The following CRYBG1 variants were observed in gnomAD, a reference collection of about 807,000 sequenced individuals.
CRYBG1 encodes the protein beta/gamma crystallin domain-containing protein 1.
CRYBG1 carries 139 observed loss-of-function variants against 189.2 expected under a neutral mutation model. The observed-to-expected ratio is 0.73, with a 90% CI of 0.64 to 0.85. CRYBG1 has a LOEUF of 0.85. CRYBG1 is among the 40% of genes least tolerant of loss of function. The pLI is 0.00. For missense variants in CRYBG1, 2,611 were observed against 2,675.8 expected, an observed-to-expected ratio of 0.98 and a Z score of 0.53; for synonymous variants, 1,023 against 1,017.1, an observed-to-expected ratio of 1.01 and a Z score of -0.11.
chr6:106,564,135 CT>C (rs961135633), intron 21 of CRYBG1, among the ~76,000 whole-genome samples: 96 of 152,266 alleles, frequency 6.3e-4, no homozygotes, highest in African/African-American at 2.1e-3. Flanking sequence ...ACATTATCCC[CT>C]CTCCCTCTTT....
intron 2 of CRYBG1, among the ~76,000 whole-genome samples, chr6:106,470,017 G>A (rs1417627876): frequency 1.3e-5 from 2 of 152,186 alleles, no homozygotes; most frequent in Non-Finnish European, 2.9e-5. Flanking sequence ...CATTCAGGCT[G>A]CCAGGCCAAG....
At chr6:106,436,482 G>A (rs896942055) in intron 1 of CRYBG1, among the ~76,000 whole-genome samples, 3 of 152,136 alleles carry the variant, frequency 2.0e-5, no homozygotes, top group African/African-American at 7.2e-5. Flanking sequence ...TTTTAGTAGA[G>A]ACGGGGTTTC....
intron 1 of CRYBG1, among the ~76,000 whole-genome samples, chr6:106,391,928 C>CGTGTGTGTGT (rs57024907): frequency 1.1e-4 from 15 of 131,404 alleles, no homozygotes; most frequent in African/African-American, 4.4e-4. Context: ...TTGTTTAAAA[C>CGTGTGTGTGT]GTGTGTGTGT....
chr6:106,484,350 G>A (rs1454720677), intron 2 of CRYBG1, among the ~76,000 whole-genome samples: 2 of 152,156 alleles, frequency 1.3e-5, no homozygotes, highest in Non-Finnish European at 2.9e-5. Context: ...CTAGAGTGCA[G>A]TAGCGTGATC....
Position 106,570,359 on chromosome 6 carries a change from T to G in CRYBG1, c.*1793T>G, listed in dbSNP as rs6908635. On this transcript the variant is annotated 3_prime_UTR_variant, in exon 22 of 22. Transcript: ENST00000633556. ...TATATAGCTCTGATTTTAGGCCTTTTGTGCATACCATTACAATATGGTGGG... is the reference window on the plus strand; with the variant it reads ...TATATAGCTCTGATTTTAGGCCTTTGGTGCATACCATTACAATATGGTGGG... 1.7e-3 allele frequency: 255 copies of G among 152,354 alleles called. 1 individual carries two copies. Among genetic ancestry groups the G allele is most frequent in the African/African-American group, 5.9e-3 (244 of 41,570 alleles). The allele number at this position is 152,354 out of a possible 1,614,324, so 9.4% of individuals were successfully genotyped here.
chr6:106,517,586 A>G (rs1350837505), intron 3 of CRYBG1, among the ~76,000 whole-genome samples: 1 of 151,926 alleles, frequency 6.6e-6, no homozygotes, highest in Non-Finnish European at 1.5e-5. Context: ...TAAAACAGAT[A>G]CTAGGAGTGA....
intron 1 of CRYBG1, among the ~76,000 whole-genome samples, chr6:106,408,010 A>C (rs1171840599): frequency 2.0e-5 from 3 of 152,310 alleles, no homozygotes; most frequent in African/African-American, 4.8e-5. Context: ...AGAAGACAAG[A>C]AATAACTAAG....
chr6:106,380,319 C>A (rs75891873), intron 1 of CRYBG1, among the ~76,000 whole-genome samples: 4,217 of 152,212 alleles, frequency 0.028, 189 homozygotes, highest in African/African-American at 0.097. Context: ...GAAAAGGTTA[C>A]TATTTGAATT....
At chr6:106,433,341 G>T (rs1261348828) in intron 1 of CRYBG1, among the ~76,000 whole-genome samples, 2 of 152,168 alleles carry the variant, frequency 1.3e-5, no homozygotes, top group Non-Finnish European at 2.9e-5. Context: ...AACTGGAGGA[G>T]AAAGGAGACT....
At chr6:106,400,851 T>C (rs1770707731) in intron 1 of CRYBG1, among the ~76,000 whole-genome samples, 1 of 152,146 alleles carries the variant, frequency 6.6e-6, no homozygotes, top group African/African-American at 2.4e-5. Context: ...AAGACACATG[T>C]GAACTAAGTC....
chr6:106,415,589 G>C (rs114178801), intron 1 of CRYBG1, among the ~76,000 whole-genome samples: 41 of 151,956 alleles, frequency 2.7e-4, no homozygotes, highest in Non-Finnish European at 5.6e-4. Flanking sequence ...AGCCAGGCAT[G>C]GTGGTATATA....
chr6:106,432,056 G>A (rs1169493548), intron 1 of CRYBG1, among the ~76,000 whole-genome samples: 2 of 151,938 alleles, frequency 1.3e-5, no homozygotes, highest in African/African-American at 4.8e-5. Flanking sequence ...TTAATGACCA[G>A]AATATTAATT....
intron 1 of CRYBG1, among the ~76,000 whole-genome samples, chr6:106,449,771 G>T (rs1282847788): frequency 6.6e-6 from 1 of 152,060 alleles, no homozygotes; most frequent in African/African-American, 2.4e-5. Flanking sequence ...AGGTAGAAAT[G>T]TATTTTTATA....
At chr6:106,423,289 C>A (rs1034822954) in intron 1 of CRYBG1, among the ~76,000 whole-genome samples, 13 of 114,774 alleles carry the variant, frequency 1.1e-4, no homozygotes, top group African/African-American at 2.1e-4. Context: ...ATCAATAAAA[C>A]CTTTCATAAC....
At chr6:106,546,116 G>A (rs1676026) in intron 13 of CRYBG1, among the ~76,000 whole-genome samples, 122,091 of 152,154 alleles carry the variant, frequency 0.8, 49,607 homozygotes, top group South Asian at 0.92. Flanking sequence ...TCTGGGCTAC[G>A]TGTCCATCTC....
rs1281465719 is a variant in CRYBG1 at position 106,519,131 on chromosome 6, C to G, written c.1923C>G (p.Leu641=). 6.2e-7 allele frequency: 1 copy of G among 1,607,708 alleles called. No individual in the cohort carries two copies. Among genetic ancestry groups the G allele is most frequent in the Non-Finnish European group, 8.5e-7 (1 of 1,176,836 alleles). Residue 641 remains leucine (L), a splice_region_variant and synonymous_variant, in exon 4 of 22, where the codon CTC becomes CTG. Coordinates refer to ENST00000633556, the MANE Select transcript of CRYBG1 (RefSeq NM_001371242.2). Reference sequence around the variant, plus strand: ...TTATCTTCCTGCTTTTTCCTCACAGCCCTGCCAAGCCCAAACATGTGGAAC... The same window carrying G: ...TTATCTTCCTGCTTTTTCCTCACAGGCCTGCCAAGCCCAAACATGTGGAAC... ...GRSTVTTKVT[L]PAKPKHVELN... is the part of the protein sequence containing the mutation.
chr6:106,391,985 T>A (rs1473087269), intron 1 of CRYBG1, among the ~76,000 whole-genome samples: 1 of 147,730 alleles, frequency 6.8e-6, no homozygotes, highest in Non-Finnish European at 1.5e-5. Flanking sequence ...GCGCGTTTCC[T>A]GAAAAGGGGC....
intron 20 of CRYBG1, among the ~76,000 whole-genome samples, chr6:106,561,979 CCTA>C (rs1774732141): frequency 1.3e-5 from 2 of 152,110 alleles, no homozygotes; most frequent in Non-Finnish European, 2.9e-5. Context: ...CTGCATCATT[CCTA>C]CTATTAACAG....
At position 106,506,966 on chromosome 6, in the gene CRYBG1, ACT is replaced by A. The variant is rs551996988; in HGVS notation, c.313-4461_313-4460del. 2.4e-3 allele frequency among the ~76,000 whole-genome samples: 369 copies of A among 152,266 alleles called. 1 individual carries two copies. Among genetic ancestry groups the A allele is most frequent in the Admixed American group, 5.6e-3 (85 of 15,302 alleles). On this transcript the variant is annotated intron_variant, in intron 2 of 21. Coordinates refer to ENST00000633556, the MANE Select transcript of CRYBG1 (RefSeq NM_001371242.2). ...TCAGAACCAGAACAGTTTCAAAAAA[ACT>A]CTACCATTTACATTATCTCCTTAAC...
Sources: gnomAD v4.1 joint callset for allele counts (sites outside exome capture counted in the v4.1 genomes callset) on GRCh38, gnomAD v4.1.1 for gene constraint, MANE v1.5 for transcripts, NCBI Gene and HGNC (gene_info 2026-07-23, HGNC 2026-07-21) for gene names.